DPYD: variants seen among roughly 807,000 people sequenced by gnomAD.
The protein encoded by DPYD is dihydropyrimidine dehydrogenase.
DPYD carries 109 observed loss-of-function variants against 116.2 expected under a neutral mutation model. The observed-to-expected ratio is 0.94, with a 90% CI of 0.80 to 1.10. The LOEUF is 1.10. Among genes scored for constraint, DPYD ranks in the 50% least tolerant of loss-of-function variants. DPYD has a pLI of 0.00. For synonymous variants in DPYD, 440 were observed against 432.0 expected, an observed-to-expected ratio of 1.02 and a Z score of -0.23; for missense variants, 1,302 against 1,254.5, an observed-to-expected ratio of 1.04 and a Z score of -0.57.
intron 13 of DPYD, among the ~76,000 whole-genome samples, chr1:97,508,488 G>T (rs1282715030): frequency 1.3e-5 from 2 of 151,902 alleles, no homozygotes; most frequent in Non-Finnish European, 2.9e-5. Flanking sequence ...TATTCTCTCT[G>T]AAATTGCACA....
intron 16 of DPYD, among the ~76,000 whole-genome samples, chr1:97,355,141 C>A (rs1422682933): frequency 1.3e-5 from 2 of 152,118 alleles, no homozygotes; most frequent in Admixed American, 1.3e-4. Flanking sequence ...CCTTAAGACA[C>A]ACTTATTTAC....
chr1:97,432,415 T>C (rs893895058), intron 14 of DPYD, among the ~76,000 whole-genome samples: 1 of 152,174 alleles, frequency 6.6e-6, no homozygotes. Context: ...TATTCTTCAC[T>C]TCTTTTATTT....
intron 19 of DPYD, among the ~76,000 whole-genome samples, chr1:97,227,482 G>A (rs915247632): frequency 2.6e-5 from 4 of 151,544 alleles, no homozygotes; most frequent in African/African-American, 9.7e-5. Context: ...TGATTACTAT[G>A]CATTGCATGC....
At chr1:97,246,379 G>A (rs12759500) in intron 18 of DPYD, among the ~76,000 whole-genome samples, 1 of 152,084 alleles carries the variant, frequency 6.6e-6, no homozygotes, top group African/African-American at 2.4e-5. Context: ...TCAGACAACA[G>A]ACACTGCTGA....
intron 6 of DPYD, 27 bp downstream of exon 6, chr1:97,699,324 T>A (rs760825810): frequency 2.5e-6 from 4 of 1,604,258 alleles, no homozygotes; most frequent in East Asian, 2.2e-5. Context: ...TCTGACACTA[T>A]AAACATGAAA....
chr1:97,848,128 C>T (rs1364827237), intron 2 of DPYD, among the ~76,000 whole-genome samples: 2 of 152,118 alleles, frequency 1.3e-5, no homozygotes, highest in Non-Finnish European at 2.9e-5. Context: ...GACGGAGTCT[C>T]GCTCTATCAC....
intron 1 of DPYD, among the ~76,000 whole-genome samples, chr1:97,897,585 A>G (rs1469905407): frequency 1.3e-5 from 2 of 151,656 alleles, no homozygotes; most frequent in Non-Finnish European, 2.9e-5. Context: ...TTCATTTTAG[A>G]GTTTTTATTG....
intron 18 of DPYD, among the ~76,000 whole-genome samples, chr1:97,267,120 G>A (rs1047878596): frequency 1.3e-5 from 2 of 152,118 alleles, no homozygotes; most frequent in African/African-American, 4.8e-5. Flanking sequence ...CTTCCACAAT[G>A]GTTGAACTAG....
At chr1:97,307,593 T>C (rs911007053) in intron 16 of DPYD, among the ~76,000 whole-genome samples, 2 of 151,918 alleles carry the variant, frequency 1.3e-5, no homozygotes, top group African/African-American at 4.8e-5. Flanking sequence ...CTTAATACTT[T>C]TAAAAAGAAG....
chr1:97,841,720 AT>A (rs1670047215), intron 2 of DPYD, among the ~76,000 whole-genome samples: 1 of 152,186 alleles, frequency 6.6e-6, no homozygotes, highest in South Asian at 2.1e-4. Context: ...GAAAAAAAAA[AT>A]GTTTGTTCCC....
intron 8 of DPYD, among the ~76,000 whole-genome samples, chr1:97,597,855 C>T (rs1157164563): frequency 6.6e-6 from 1 of 152,126 alleles, no homozygotes; most frequent in African/African-American, 2.4e-5. Context: ...GTCCATCCTA[C>T]TAATTATGTT....
chr1:97,431,383 G>A (rs906838579), intron 14 of DPYD, among the ~76,000 whole-genome samples: 5 of 152,128 alleles, frequency 3.3e-5, no homozygotes, highest in Non-Finnish European at 7.4e-5. Flanking sequence ...TAAAATGATG[G>A]CCAAGGAAGG....
At chr1:97,198,914 G>A (rs1220379713) in intron 19 of DPYD, among the ~76,000 whole-genome samples, 5 of 152,064 alleles carry the variant, frequency 3.3e-5, no homozygotes. Context: ...GGTGGCCCCC[G>A]TGCAGCGTGA....
chr1:97,593,441 A>T lies in DPYD; in HGVS notation c.959-54T>A. 3.7e-6 allele frequency: 6 copies of T among 1,600,886 alleles called. No homozygotes were observed. In the South Asian group the frequency reaches 6.6e-5, roughly 18 times the overall value. On this transcript the variant is annotated intron_variant, in intron 9 of 22. Transcript: ENST00000370192. ...CAAGTAGAGAAACCATTTCTGCATG[A>T]CAGCTCAAAAGATACTTGTACTCAA...
intron 16 of DPYD, among the ~76,000 whole-genome samples, chr1:97,365,367 T>A (rs543930329): frequency 5.9e-5 from 9 of 152,334 alleles, no homozygotes; most frequent in African/African-American, 1.9e-4. Flanking sequence ...TTCTGTGACA[T>A]TACATTACCT....
chr1:97,858,132 T>C (rs1242570343), intron 2 of DPYD, among the ~76,000 whole-genome samples: 2 of 152,158 alleles, frequency 1.3e-5, no homozygotes, highest in Non-Finnish European at 2.9e-5. Context: ...TAAGGAATTT[T>C]AACTTCTTCC....
chr1:97,191,153 A>G (rs1249260534), intron 20 of DPYD, among the ~76,000 whole-genome samples: 1 of 152,014 alleles, frequency 6.6e-6, no homozygotes, highest in East Asian at 1.9e-4. Context: ...AGAATGATGC[A>G]CATGTACCCT....
chr1:97,186,432 C>T (rs1570626289), intron 20 of DPYD, among the ~76,000 whole-genome samples: 1 of 152,232 alleles, frequency 6.6e-6, no homozygotes, highest in East Asian at 1.9e-4. Flanking sequence ...ACCCTCCCAC[C>T]GTTTTGAGAC....
intron 20 of DPYD, among the ~76,000 whole-genome samples, chr1:97,117,761 T>C (rs1468652804): frequency 6.6e-6 from 1 of 152,170 alleles, no homozygotes; most frequent in Non-Finnish European, 1.5e-5. Flanking sequence ...TTCTGTACCT[T>C]TCTATAAGTT....
Sources: allele counts gnomAD v4.1 joint callset (sites outside exome capture counted in the v4.1 genomes callset), GRCh38; gene constraint gnomAD v4.1.1; transcripts MANE v1.5; gene names NCBI Gene and HGNC (gene_info 2026-07-23, HGNC 2026-07-21).